Variants in CNTN6 observed in about 807,000 individuals in gnomAD.
CNTN6 encodes contactin 6, also known as contactin-6.
A neutral mutation model predicts 122.8 loss-of-function variants in CNTN6; 137 were observed. The ratio of observed to expected loss-of-function variants is 1.12; its 90% CI spans 0.97 to 1.29. The LOEUF (loss-of-function observed/expected upper bound fraction) is 1.29, where lower values mean the gene tolerates loss of function less well. CNTN6 is among the 50% of genes most tolerant of loss of function. CNTN6 has a pLI of 0.00. For synonymous variants in CNTN6, 570 were observed against 426.0 expected, an observed-to-expected ratio of 1.34 and a Z score of -4.16; for missense variants, 1,634 against 1,223.4, an observed-to-expected ratio of 1.34 and a Z score of -5.01.
intron 7 of CNTN6, among the ~76,000 whole-genome samples, chr3:1,306,521 A>T (rs1212139315): frequency 6.6e-6 from 1 of 152,200 alleles, no homozygotes. Flanking sequence ...TTTGAAGGCA[A>T]ATGGTATGCT....
At chr3:1,345,721 TG>T (rs1289026607) in intron 11 of CNTN6, among the ~76,000 whole-genome samples, 1 of 152,152 alleles carries the variant, frequency 6.6e-6, no homozygotes, top group Non-Finnish European at 1.5e-5. Context: ...TAGATTCCAG[TG>T]GGAGATTTTA....
chr3:1,266,885 A>C (rs2125731150), intron 4 of CNTN6, among the ~76,000 whole-genome samples: 1 of 151,268 alleles, frequency 6.6e-6, no homozygotes, highest in East Asian at 2.0e-4. Flanking sequence ...CCCAGGAGTG[A>C]ATTACAAGTG....
At chr3:1,216,491 CG>C (rs1472680747) in intron 2 of CNTN6, among the ~76,000 whole-genome samples, 1 of 151,972 alleles carries the variant, frequency 6.6e-6, no homozygotes, top group East Asian at 1.9e-4. Context: ...GTACTTACAA[CG>C]TCTCACACAT....
At chr3:1,102,381 G>C (rs1217740277) in intron 1 of CNTN6, among the ~76,000 whole-genome samples, 3 of 152,184 alleles carry the variant, frequency 2.0e-5, no homozygotes, top group Admixed American at 1.3e-4. Context: ...AAATGAAAGA[G>C]AAACTCAGAA....
At chr3:1,254,329 C>T (rs1383903953) in intron 4 of CNTN6, among the ~76,000 whole-genome samples, 1 of 152,050 alleles carries the variant, frequency 6.6e-6, no homozygotes, top group African/African-American at 2.4e-5. Context: ...GCACCTTTTT[C>T]ACTCTACATT....
Position 1,327,578 on chromosome 3 carries a change from G to A in CNTN6, c.1205G>A (p.Arg402Lys). The change falls in exon 10 of 23, where the codon AGA (arginine) becomes AAA (lysine). Residue 402 changes from arginine to lysine, a missense_variant. Transcript: ENST00000446702. ...ATAATTTATGCAAATGCTGAATTGA[G>A]AGTTTTAGGTAAGTCGTTTATTTAC... ...YQIIYANAELRVLASAPDFSK... is the reference protein window; with the variant it reads ...YQIIYANAELKVLASAPDFSK... The A allele has an allele frequency of 6.2e-7, 1 of 1,609,692 alleles. No individual in the cohort carries two copies. The highest frequency in any genetic ancestry group is 1.7e-4 in the Middle Eastern group (1 of 5,934).
At position 1,147,883 on chromosome 3, in the gene CNTN6, G is replaced by C. The variant is rs989574897; in HGVS notation, c.-82-44G>C. ...CAAAAATATGCTTATTAAAATATTC[G>C]TGTTTGTACGTTTTTCATTTCATGA... is the stretch of plus-strand genomic sequence containing the variant. On this transcript the variant is annotated intron_variant, in intron 1 of 22. Transcript: ENST00000446702. 8.3e-6 allele frequency: 5 copies of C among 605,710 alleles called. No individual in the cohort carries two copies. The East Asian group carries it at 1.3e-4, about 16-fold the overall frequency. The allele number at this position is 605,710 out of a possible 1,614,324, so 37.5% of individuals were successfully genotyped here.
intron 12 of CNTN6, among the ~76,000 whole-genome samples, chr3:1,361,693 GAAGT>G (rs1207473322): frequency 1.3e-5 from 2 of 152,068 alleles, no homozygotes; most frequent in East Asian, 3.9e-4. Flanking sequence ...TTAACTAGTT[GAAGT>G]AAGCTTATCA....
At chr3:1,367,932 G>C (rs960174418) in intron 12 of CNTN6, among the ~76,000 whole-genome samples, 1 of 152,180 alleles carries the variant, frequency 6.6e-6, no homozygotes. Flanking sequence ...GGCTGTCTCT[G>C]TGGGATTTGC....
At chr3:1,271,343 T>C (rs2095023352) in intron 4 of CNTN6, among the ~76,000 whole-genome samples, 3 of 152,078 alleles carry the variant, frequency 2.0e-5, no homozygotes, top group South Asian at 2.1e-4. Flanking sequence ...AAGAGAGGAT[T>C]GTAGTAGGGA....
chr3:1,240,844 G>A (rs1460731206), intron 4 of CNTN6, among the ~76,000 whole-genome samples: 2 of 152,214 alleles, frequency 1.3e-5, no homozygotes, highest in Non-Finnish European at 2.9e-5. Context: ...CGTGGGTGCA[G>A]GCGGGCTGAG....
chr3:1,307,532 C>G (rs1286911207), intron 7 of CNTN6, among the ~76,000 whole-genome samples: 34 of 152,104 alleles, frequency 2.2e-4, no homozygotes. Context: ...GCATTTGTTA[C>G]AATTAACCAG....
Position 1,158,776 on chromosome 3 carries a change from A to ATGTG in CNTN6, c.55+10717_55+10720dup, listed in dbSNP as rs59256552. On this transcript the variant is annotated intron_variant, in intron 2 of 22. Coordinates refer to ENST00000446702, the MANE Select transcript of CNTN6 (RefSeq NM_001289080.2). ...TATACATATATATACACACATATAT[A>ATGTG]TGTGTGTATATATGTGTATATATAT... Among the ~76,000 whole-genome samples, 13 of 113,322 alleles carry ATGTG rather than the reference A, an allele frequency of 1.1e-4. No homozygotes were observed. The South Asian group carries it at 2.5e-3, about 22-fold the overall frequency. 74.3% of individuals were successfully genotyped at this position (113,322 alleles called of 152,430 possible). A position where few individuals can be genotyped will look rare whatever the true frequency, so the allele number is the denominator to read the frequency against.
intron 1 of CNTN6, among the ~76,000 whole-genome samples, chr3:1,114,078 A>G (rs1178753942): frequency 1.3e-5 from 2 of 152,202 alleles, no homozygotes; most frequent in African/African-American, 4.8e-5. Context: ...CAATCAGGGA[A>G]GTCTTTAAGA....
intron 11 of CNTN6, 66 bp from the exon 12 acceptor site, chr3:1,352,258 A>T: frequency 7.4e-7 from 1 of 1,348,564 alleles, no homozygotes; most frequent in Non-Finnish European, 9.9e-7. Flanking sequence ...TAAAATAAAA[A>T]TAAGCACTTA....
chr3:1,352,902 G>C (rs1410822288), intron 12 of CNTN6, among the ~76,000 whole-genome samples: 3 of 151,596 alleles, frequency 2.0e-5, no homozygotes, highest in Non-Finnish European at 4.4e-5. Flanking sequence ...GAAATGCAGG[G>C]TCACAACCTT....
intron 2 of CNTN6, among the ~76,000 whole-genome samples, chr3:1,188,155 C>T (rs1401792422): frequency 6.6e-6 from 1 of 152,110 alleles, no homozygotes; most frequent in African/African-American, 2.4e-5. Flanking sequence ...AATTGAAAAA[C>T]CATATCCCCA....
intron 4 of CNTN6, among the ~76,000 whole-genome samples, chr3:1,256,525 G>A (rs1171575021): frequency 2.0e-5 from 3 of 152,094 alleles, no homozygotes; most frequent in Non-Finnish European, 4.4e-5. Flanking sequence ...ATGTCCTGAG[G>A]TTGGATATAA....
intron 7 of CNTN6, among the ~76,000 whole-genome samples, chr3:1,320,204 A>G (rs1483493951): frequency 6.6e-6 from 1 of 151,764 alleles, no homozygotes; most frequent in African/African-American, 2.4e-5. Flanking sequence ...ACTTAAGGCA[A>G]TTCAAAATTC....
Sources: gnomAD v4.1 joint callset for allele counts (sites outside exome capture counted in the v4.1 genomes callset) on GRCh38, gnomAD v4.1.1 for gene constraint, MANE v1.5 for transcripts, NCBI Gene and HGNC (gene_info 2026-07-23, HGNC 2026-07-21) for gene names.